Variants in ETFA observed in about 807,000 individuals in gnomAD.
The protein encoded by ETFA is electron transfer flavoprotein subunit alpha, also known as electron transfer flavoprotein subunit alpha, mitochondrial.
A neutral mutation model predicts 46.2 loss-of-function variants in ETFA; 22 were observed. That is an observed-to-expected ratio of 0.48 (90% CI 0.34 to 0.68). The LOEUF is 0.68. Among genes scored for constraint, ETFA ranks in the 30% least tolerant of loss-of-function variants. The probability of loss-of-function intolerance (pLI) is 0.01; values close to 1 mark genes in which losing one functional copy is unlikely to be tolerated. For missense variants in ETFA, 345 were observed against 401.1 expected, an observed-to-expected ratio of 0.86 and a Z score of 1.19; for synonymous variants, 131 against 139.9, an observed-to-expected ratio of 0.94 and a Z score of 0.45.
chr15:76,286,762 T>G (rs1393835542), intron 5 of ETFA, among the ~76,000 whole-genome samples: 3 of 152,120 alleles, frequency 2.0e-5, no homozygotes, highest in African/African-American at 7.2e-5. Context: ...ACACTACACC[T>G]CTAAAAGGAA....
chr15:76,293,570 A>G (rs2039788329), intron 2 of ETFA, among the ~76,000 whole-genome samples: 2 of 152,218 alleles, frequency 1.3e-5, no homozygotes, highest in Admixed American at 1.3e-4. Flanking sequence ...GAAGGCAATT[A>G]GATTTCCCCT....
chr15:76,259,129 G>A, intron 9 of ETFA: 1 of 1,504,846 alleles, frequency 6.6e-7, no homozygotes, highest in East Asian at 2.3e-5. Flanking sequence ...CATTCACTGG[G>A]AGTGCCACCC....
chr15:76,304,389 G>C (rs954782226), intron 1 of ETFA, among the ~76,000 whole-genome samples: 15 of 152,094 alleles, frequency 9.9e-5, no homozygotes, highest in African/African-American at 2.9e-4. Flanking sequence ...AAACCCCCAG[G>C]ACACACGGTT....
At chr15:76,293,577 C>G (rs2039788407) in intron 2 of ETFA, among the ~76,000 whole-genome samples, 1 of 152,136 alleles carries the variant, frequency 6.6e-6, no homozygotes, top group Non-Finnish European at 1.5e-5. Flanking sequence ...ATTAGATTTC[C>G]CCTTTTTAAG....
At chr15:76,229,613 A>G (rs1310694406) in intron 10 of ETFA, among the ~76,000 whole-genome samples, 3 of 152,030 alleles carry the variant, frequency 2.0e-5, no homozygotes, top group African/African-American at 7.2e-5. Flanking sequence ...TCTTTTATTT[A>G]TTTATTTTTT....
intron 1 of ETFA, among the ~76,000 whole-genome samples, chr15:76,299,907 T>C (rs752358015): frequency 1.3e-5 from 2 of 151,952 alleles, no homozygotes; most frequent in Non-Finnish European, 2.9e-5. Context: ...CTCATCAACA[T>C]TTAAACATGA....
intron 9 of ETFA, among the ~76,000 whole-genome samples, chr15:76,242,699 A>G (rs948609157): frequency 2.0e-5 from 3 of 152,226 alleles, no homozygotes; most frequent in Non-Finnish European, 4.4e-5. Flanking sequence ...AGATGACTGG[A>G]CCATAAAAAG....
intron 9 of ETFA, among the ~76,000 whole-genome samples, chr15:76,245,754 C>G (rs1394974037): frequency 6.6e-6 from 1 of 152,152 alleles, no homozygotes; most frequent in Non-Finnish European, 1.5e-5. Flanking sequence ...AAAACAGATT[C>G]TTTAATAATT....
chr15:76,233,454 C>T (rs548265532), intron 9 of ETFA, among the ~76,000 whole-genome samples: 1 of 151,830 alleles, frequency 6.6e-6, no homozygotes, highest in Admixed American at 6.6e-5. Context: ...CTCGGCCTCC[C>T]GAGCAGCTGG....
intron 9 of ETFA, among the ~76,000 whole-genome samples, chr15:76,231,790 C>T (rs1396779483): frequency 6.6e-6 from 1 of 152,118 alleles, no homozygotes; most frequent in Non-Finnish European, 1.5e-5. Context: ...TAAAAATTAA[C>T]AACATACACA....
intron 8 of ETFA, among the ~76,000 whole-genome samples, chr15:76,274,850 T>G (rs1179240134): frequency 6.6e-6 from 1 of 152,162 alleles, no homozygotes; most frequent in Admixed American, 6.5e-5. Context: ...GAGTTTCATA[T>G]AACAAGATGA....
rs2039811644 is a variant in ETFA, at chr15:76,295,748, CAAAAAGGAAAA to C, written c.40-22_40-12del. The C allele has an allele frequency of 6.7e-7, 1 of 1,495,598 alleles. No homozygotes were observed. Among genetic ancestry groups the C allele is most frequent in the East Asian group, 2.5e-5 (1 of 40,540 alleles). 92.6% of individuals were successfully genotyped at this position (1,495,598 alleles called of 1,614,324 possible). ...TCGTAGCAATGAGGCCTAAAAAGAGCAAAAAGGAAAAAAAAAGGTAAAGAATGTTGTCACAG... is the reference window on the plus strand; with the variant it reads ...TCGTAGCAATGAGGCCTAAAAAGAGCAAAAAGGTAAAGAATGTTGTCACAG... On this transcript the variant is annotated splice_polypyrimidine_tract_variant and intron_variant, in intron 1 of 11. Coordinates refer to ENST00000557943, the MANE Select transcript of ETFA (RefSeq NM_000126.4).
chr15:76,260,717 A>C (rs2039401576), intron 9 of ETFA: 10 of 1,605,646 alleles, frequency 6.2e-6, no homozygotes, highest in Admixed American at 1.7e-5. Context: ...TGTGGATGGC[A>C]TGGAGGTTTT....
chr15:76,273,682 A>C (rs1200921614), intron 9 of ETFA, among the ~76,000 whole-genome samples: 1 of 152,158 alleles, frequency 6.6e-6, no homozygotes, highest in African/African-American at 2.4e-5. Context: ...CTGGGATGTA[A>C]GATTTTTTTT....
intron 10 of ETFA, chr15:76,229,061 A>G (rs1267597879): frequency 6.6e-6 from 1 of 152,136 alleles, no homozygotes; most frequent in Non-Finnish European, 1.5e-5. Flanking sequence ...ACTGTGTATT[A>G]GTTCAGAAAG....
chr15:76,251,675 T>C (rs891591173), intron 9 of ETFA, among the ~76,000 whole-genome samples: 1 of 152,108 alleles, frequency 6.6e-6, no homozygotes, highest in Admixed American at 6.5e-5. Flanking sequence ...ACTCTAGATA[T>C]ACCACCCCAC....
At chr15:76,235,624 T>C (rs2039114732) in intron 9 of ETFA, among the ~76,000 whole-genome samples, 1 of 152,138 alleles carries the variant, frequency 6.6e-6, no homozygotes, top group Admixed American at 6.5e-5. Context: ...GATGACTAAT[T>C]CTCTGTGCCC....
At chr15:76,260,934 C>T (rs998336939) in intron 9 of ETFA, 33 of 1,611,576 alleles carry the variant, frequency 2.0e-5, no homozygotes, top group South Asian at 2.0e-4. Context: ...CTGAACTGTA[C>T]AGGACTGCAG....
At chr15:76,310,754 G>A (rs919686059) in intron 1 of ETFA, among the ~76,000 whole-genome samples, 3 of 152,266 alleles carry the variant, frequency 2.0e-5, no homozygotes, top group Admixed American at 2.0e-4. Context: ...AAATCGGATC[G>A]CAGGTTTTAC....
Sources: allele counts gnomAD v4.1 joint callset (sites outside exome capture counted in the v4.1 genomes callset), GRCh38; gene constraint gnomAD v4.1.1; transcripts MANE v1.5; gene names NCBI Gene and HGNC (gene_info 2026-07-23, HGNC 2026-07-21).